Variants in CHRM3 observed in about 807,000 individuals in gnomAD.
CHRM3 encodes the protein muscarinic acetylcholine receptor M3.
Under a neutral mutation model 41.8 loss-of-function variants are expected in CHRM3, and 11 were observed. The ratio of observed to expected loss-of-function variants is 0.26; its 90% CI spans 0.17 to 0.44. The LOEUF is 0.44. Among genes scored for constraint, CHRM3 ranks in the 20% least tolerant of loss-of-function variants. The probability of loss-of-function intolerance (pLI) is 1.00; values close to 1 mark genes in which losing one functional copy is unlikely to be tolerated. For missense variants in CHRM3, 571 were observed against 745.4 expected (o/e 0.77, Z 2.72); for synonymous variants, 297 against 301.4 (o/e 0.99, Z 0.15).
At chr1:239,665,105 G>T (rs1417074889) in intron 4 of CHRM3, among the ~76,000 whole-genome samples, 4 of 138,812 alleles carry the variant, frequency 2.9e-5, no homozygotes, top group African/African-American at 1.1e-4. Flanking sequence ...TCTCTCTCTT[G>T]TCCTTTTAGC....
At chr1:239,544,242 T>C (rs898407883) in intron 2 of CHRM3, among the ~76,000 whole-genome samples, 4 of 152,260 alleles carry the variant, frequency 2.6e-5, no homozygotes, top group African/African-American at 7.2e-5. Flanking sequence ...AATCATGCAG[T>C]TTCTGCCTAT....
chr1:239,578,021 A>G (rs962503940), intron 3 of CHRM3, among the ~76,000 whole-genome samples: 3 of 152,198 alleles, frequency 2.0e-5, no homozygotes, highest in African/African-American at 7.2e-5. Context: ...CATTTTTGTA[A>G]TGGTCAATGC....
chr1:239,498,341 A>G (rs544974999), intron 2 of CHRM3, among the ~76,000 whole-genome samples: 2 of 152,164 alleles, frequency 1.3e-5, no homozygotes, highest in East Asian at 3.9e-4. Flanking sequence ...ACTCACATGC[A>G]CTCTTGGGTT....
chr1:239,784,363 G>A (rs1015855430), intron 5 of CHRM3, among the ~76,000 whole-genome samples: 3 of 151,838 alleles, frequency 2.0e-5, no homozygotes, highest in African/African-American at 7.3e-5. Context: ...CATTCTATGT[G>A]ATTTCATTTT....
intron 2 of CHRM3, among the ~76,000 whole-genome samples, chr1:239,521,013 G>C (rs1031276990): frequency 2.0e-5 from 3 of 152,120 alleles, no homozygotes; most frequent in African/African-American, 7.2e-5. Flanking sequence ...AAGGAATCAG[G>C]ATTGGCAGTG....
intron 3 of CHRM3, chr1:239,606,198 A>G (rs888419687): frequency 1.3e-4 from 20 of 151,656 alleles, no homozygotes; most frequent in African/African-American, 4.6e-4. Context: ...ATACTGTTTA[A>G]TTATGCTAAT....
intron 5 of CHRM3, among the ~76,000 whole-genome samples, chr1:239,746,181 G>A (rs1665334118): frequency 6.6e-6 from 1 of 152,178 alleles, no homozygotes; most frequent in South Asian, 2.1e-4. Context: ...CCAAATACAA[G>A]CGGTAGGTGC....
At chr1:239,743,788 C>CTTTTTTTTTTTTTT (rs10718514) in intron 5 of CHRM3, among the ~76,000 whole-genome samples, 18 of 81,194 alleles carry the variant, frequency 2.2e-4, no homozygotes, top group Admixed American at 4.6e-4. Context: ...TTTTTTTTTT[C>CTTTTTTTTTTTTTT]TTTTTTTTTT....
chr1:239,432,104 A>T (rs1039222702), intron 1 of CHRM3, among the ~76,000 whole-genome samples: 36 of 152,138 alleles, frequency 2.4e-4, no homozygotes, highest in Admixed American at 1.3e-3. Context: ...TGGTTTGTAG[A>T]TAGGAGTATG....
rs555074634 is a variant in CHRM3, at chr1:239,618,804, C to A, written c.-312-13420C>A. On this transcript the variant is annotated intron_variant, in intron 3 of 6. Transcript: ENST00000676153. ...GCTTGCAGTGAGCCGAGATCGCGCC[C>A]CTGCACTCCAGCCTGGGAGACAGAG... is the stretch of plus-strand genomic sequence containing the variant. 5.3e-3 allele frequency among the ~76,000 whole-genome samples: 770 copies of A among 145,262 alleles called. 4 individuals are homozygous for A. The highest frequency in any genetic ancestry group is 9.0e-3 in the Non-Finnish European group (592 of 65,900).
intron 5 of CHRM3, among the ~76,000 whole-genome samples, chr1:239,701,667 G>T (rs1011979352): frequency 6.6e-6 from 1 of 152,044 alleles, no homozygotes; most frequent in Non-Finnish European, 1.5e-5. Context: ...CGTCTCTTCT[G>T]CTCCTGATCT....
chr1:239,673,979 C>A (rs1453372693), intron 4 of CHRM3, among the ~76,000 whole-genome samples: 1 of 152,114 alleles, frequency 6.6e-6, no homozygotes, highest in African/African-American at 2.4e-5. Context: ...ACATGACACT[C>A]GAAGGAAATG....
intron 3 of CHRM3, among the ~76,000 whole-genome samples, chr1:239,565,768 G>A (rs1661298514): frequency 6.6e-6 from 1 of 151,954 alleles, no homozygotes; most frequent in Non-Finnish European, 1.5e-5. Context: ...ACATGGTGAA[G>A]TAATTAAGAA....
intron 3 of CHRM3, among the ~76,000 whole-genome samples, chr1:239,566,873 G>T (rs1450262402): frequency 6.6e-6 from 1 of 152,088 alleles, no homozygotes; most frequent in African/African-American, 2.4e-5. Flanking sequence ...TGATGTGTCT[G>T]GGTGCCAGTG....
At chr1:239,580,704 T>TATATATATAC (rs570878631) in intron 3 of CHRM3, among the ~76,000 whole-genome samples, 27 of 131,070 alleles carry the variant, frequency 2.1e-4, no homozygotes, top group Admixed American at 1.7e-3. Flanking sequence ...TATATATATA[T>TATATATATAC]ACACACACAC....
At position 239,708,736 on chromosome 1, in the gene CHRM3, CTTTTTTTTT is replaced by C. The variant is rs869143310; in HGVS notation, c.-147+30467_-147+30475del. Among the ~76,000 whole-genome samples the C allele has an allele frequency of 6.4e-4, 31 of 48,340 alleles. 1 individual carries two copies. The South Asian group carries it at 0.011, about 18-fold the overall frequency. 31.7% of individuals were successfully genotyped at this position (48,340 alleles called of 152,430 possible). On this transcript the variant is annotated intron_variant, in intron 5 of 6. Transcript: ENST00000676153. ...CTTTGTTTCTTCTGGTTTAAATTTT[CTTTTTTTTT>C]TTTTTTTTTTTTTTTTTTGGTGTTT...
chr1:239,774,712 G>A (rs2148753612), intron 5 of CHRM3, among the ~76,000 whole-genome samples: 1 of 152,234 alleles, frequency 6.6e-6, no homozygotes. Context: ...GAAGGATATG[G>A]GGGAAGTCCC....
At chr1:239,552,343 T>C (rs1659921905) in intron 3 of CHRM3, among the ~76,000 whole-genome samples, 1 of 148,120 alleles carries the variant, frequency 6.8e-6, no homozygotes, top group African/African-American at 2.5e-5. Context: ...ATATGTATCA[T>C]ATTTTATATA....
At chr1:239,396,631 T>G (rs1659504159) in intron 1 of CHRM3, among the ~76,000 whole-genome samples, 1 of 152,064 alleles carries the variant, frequency 6.6e-6, no homozygotes, top group Admixed American at 6.6e-5. Flanking sequence ...GTAAATATAG[T>G]GTTTTTGTTG....
Sources: gnomAD v4.1 joint callset for allele counts (sites outside exome capture counted in the v4.1 genomes callset) on GRCh38, gnomAD v4.1.1 for gene constraint, MANE v1.5 for transcripts, NCBI Gene and HGNC (gene_info 2026-07-23, HGNC 2026-07-21) for gene names.